The following MMS19 variants were observed in gnomAD, a reference collection of about 807,000 sequenced individuals.
MMS19 encodes MMS19 cytosolic iron-sulfur assembly component.
MMS19 carries 77 observed loss-of-function variants against 129.8 expected under a neutral mutation model. The observed-to-expected ratio is 0.59, with a 90% CI of 0.49 to 0.72. The LOEUF (loss-of-function observed/expected upper bound fraction) is 0.72. MMS19 is among the 30% of genes least tolerant of loss of function. MMS19 has a pLI of 0.00. For missense variants in MMS19, 1,168 were observed against 1,266.3 expected (o/e 0.92, Z 1.18); for synonymous variants, 491 against 502.8 (o/e 0.98, Z 0.31).
Position 97,466,779 on chromosome 10 carries a change from G to T in MMS19, c.1420C>A (p.Pro474Thr). The change falls in exon 15 of 31, where the codon CCA (proline) becomes ACA (threonine). Residue 474 changes from proline (P) to threonine (T), a missense_variant. Coordinates refer to ENST00000438925, the MANE Select transcript of MMS19 (RefSeq NM_022362.5). The stretch of plus-strand genomic sequence containing the variant: ...TTCTCTTTCCCTTAAGATGTACCTG[G>T]CTGGGCACCCAAGACTGTCAGTGTA... ...IRTLTVLGAQ[P>T]DLLSYEDLEL... 6.2e-7 allele frequency: 1 copy of T among 1,614,000 alleles called. No individual in the cohort carries two copies. The highest frequency in any genetic ancestry group is 8.5e-7 in the Non-Finnish European group (1 of 1,179,894).
At chr10:97,482,151 G>A (rs2036920504) in intron 2 of MMS19, among the ~76,000 whole-genome samples, 1 of 152,100 alleles carries the variant, frequency 6.6e-6, no homozygotes, top group Admixed American at 6.6e-5. Context: ...ACTCTAGCTC[G>A]ATTAACAGAG....
chr10:97,473,119 T>G (rs1335635213), intron 8 of MMS19, among the ~76,000 whole-genome samples: 1 of 152,010 alleles, frequency 6.6e-6, no homozygotes, highest in Non-Finnish European at 1.5e-5. Flanking sequence ...CACTGTAACC[T>G]CCGCCTCCCA....
intron 8 of MMS19, among the ~76,000 whole-genome samples, chr10:97,475,929 T>C (rs1331184257): frequency 6.6e-6 from 1 of 152,200 alleles, no homozygotes; most frequent in Non-Finnish European, 1.5e-5. Context: ...CCCAGTAACA[T>C]AATGTCAACT....
At chr10:97,466,373 T>G in intron 16 of MMS19, 131 bp downstream of exon 16, 1 of 824,680 alleles carries the variant, frequency 1.2e-6, no homozygotes, top group Admixed American at 2.0e-5. Context: ...AGCCAGAGTC[T>G]AACACAGAGC....
At chr10:97,482,613 T>C (rs981064323) in intron 2 of MMS19, among the ~76,000 whole-genome samples, 2 of 152,092 alleles carry the variant, frequency 1.3e-5, no homozygotes, top group African/African-American at 4.8e-5. Context: ...GTGCTGAGAA[T>C]TGCACAAATC....
At chr10:97,486,862 C>CATATATATATATATATATATAAAT (rs2037946557) in intron 1 of MMS19, among the ~76,000 whole-genome samples, 1 of 85,080 alleles carries the variant, frequency 1.2e-5, no homozygotes, top group Non-Finnish European at 2.6e-5. Context: ...ATTAAAGTGC[C>CATATATATATATATATATATAAAT]ATATATATAT....
chr10:97,463,161 C>CA (rs1564625079), intron 19 of MMS19, among the ~76,000 whole-genome samples: 1 of 143,110 alleles, frequency 7.0e-6, no homozygotes, highest in Non-Finnish European at 1.5e-5. Context: ...CCCTGTGAAA[C>CA]AGTTTTTTTT....
At chr10:97,483,269 G>T (rs202177172) in intron 2 of MMS19, among the ~76,000 whole-genome samples, 1 of 152,052 alleles carries the variant, frequency 6.6e-6, no homozygotes, top group East Asian at 1.9e-4. Flanking sequence ...GCCCAGGCTG[G>T]TCTTAAACTC....
intron 1 of MMS19, among the ~76,000 whole-genome samples, chr10:97,496,274 G>A (rs1304840765): frequency 3.9e-5 from 6 of 151,970 alleles, no homozygotes; most frequent in Admixed American, 2.6e-4. Context: ...CCAGCACTTC[G>A]GGAAGCTGAG....
intron 8 of MMS19, among the ~76,000 whole-genome samples, 179 bp downstream of exon 8, chr10:97,476,504 C>G (rs933486941): frequency 1.3e-5 from 2 of 152,180 alleles, no homozygotes; most frequent in Non-Finnish European, 2.9e-5. Context: ...CCAATACATG[C>G]TGCTTTGAAT....
At position 97,460,769 on chromosome 10, in the gene MMS19, G is replaced by C. The variant is rs758364976; in HGVS notation, c.2413-18C>G. The C allele has an allele frequency of 3.6e-5, 57 of 1,588,302 alleles. No homozygotes were observed. The highest frequency in any genetic ancestry group is 2.9e-4 in the East Asian group (13 of 44,134). On this transcript the variant is annotated intron_variant, in intron 24 of 30. Transcript: ENST00000438925. ...TTTGTTACCTGTAATTGGAGACAGA[G>C]AGAGCAATTGGGGAATGACACTCAA...
intron 1 of MMS19, among the ~76,000 whole-genome samples, chr10:97,497,418 G>A (rs975224714): frequency 6.6e-6 from 1 of 151,832 alleles, no homozygotes; most frequent in African/African-American, 2.4e-5. Flanking sequence ...CCAAGCATAC[G>A]AAATTTCCAA....
Position 97,460,247 on chromosome 10 carries a change from G to GC in MMS19, c.2470-16dup, listed in dbSNP as rs745449394. 6.2e-7 allele frequency: 1 copy of GC among 1,606,122 alleles called. No homozygotes were observed. The highest frequency in any genetic ancestry group is 8.5e-7 in the Non-Finnish European group (1 of 1,174,884). The stretch of plus-strand genomic sequence containing the variant: ...AGGCCCATGAGCTGGAGAAAAAAGA[G>GC]CCTTTGAGGTACATCAGGGAAGAAG... On this transcript the variant is annotated splice_polypyrimidine_tract_variant and intron_variant, in intron 25 of 30. Coordinates refer to ENST00000438925, the MANE Select transcript of MMS19 (RefSeq NM_022362.5).
intron 1 of MMS19, among the ~76,000 whole-genome samples, chr10:97,486,605 T>C (rs1254685101): frequency 1.3e-5 from 2 of 151,990 alleles, no homozygotes; most frequent in African/African-American, 4.8e-5. Context: ...TCTAAAAAAG[T>C]TTAATTCACA....
At chr10:97,464,744 CTGGAGTGCAA>C (rs1304218937) in intron 18 of MMS19, among the ~76,000 whole-genome samples, 1 of 150,438 alleles carries the variant, frequency 6.6e-6, no homozygotes, top group Non-Finnish European at 1.5e-5. Context: ...CCAGGTCAGG[CTGGAGTGCAA>C]TGGAGCGATC....
At chr10:97,496,593 CT>C (rs1024767781) in intron 1 of MMS19, among the ~76,000 whole-genome samples, 1 of 150,728 alleles carries the variant, frequency 6.6e-6, no homozygotes, top group Non-Finnish European at 1.5e-5. Context: ...TTCAAGATGT[CT>C]TTTCAAAATA....
intron 19 of MMS19, among the ~76,000 whole-genome samples, chr10:97,463,163 GTT>G (rs11369236): frequency 7.7e-5 from 10 of 129,196 alleles, no homozygotes; most frequent in Non-Finnish European, 9.8e-5. Context: ...CTGTGAAACA[GTT>G]TTTTTTTTTT....
At chr10:97,469,581 A>G in intron 11 of MMS19, 65 bp downstream of exon 11, 1 of 1,337,498 alleles carries the variant, frequency 7.5e-7, no homozygotes. Context: ...GACAGGATGT[A>G]TTATTTCCCC....
chr10:97,498,627 AG>A (rs2040250407), upstream of MMS19: 13 of 497,078 alleles, frequency 2.6e-5, no homozygotes, highest in East Asian at 4.9e-4. Context: ...AATAATTCCC[AG>A]CCCGGCTCCC....
Sources: gnomAD v4.1 joint callset for allele counts (sites outside exome capture counted in the v4.1 genomes callset) on GRCh38, gnomAD v4.1.1 for gene constraint, MANE v1.5 for transcripts, NCBI Gene and HGNC (gene_info 2026-07-23, HGNC 2026-07-21) for gene names.